GDA: variants seen among roughly 807,000 people sequenced by gnomAD.
The protein encoded by GDA is cytoplasmic PSD-95 interactor.
A neutral mutation model predicts 59.6 loss-of-function variants in GDA; 18 were observed. That is an observed-to-expected ratio of 0.30 (90% CI 0.21 to 0.45). GDA has a LOEUF of 0.45. Among genes scored for constraint, GDA ranks in the 20% least tolerant of loss-of-function variants. GDA has a pLI of 1.00. For missense variants in GDA, 427 were observed against 552.3 expected (o/e 0.77, Z 2.27); for synonymous variants, 201 against 201.1 (o/e 1.00, Z 0.00).
chr9:72,221,828 C>T (rs951734495), intron 6 of GDA, among the ~76,000 whole-genome samples: 11 of 152,174 alleles, frequency 7.2e-5, no homozygotes, highest in Non-Finnish European at 1.3e-4. Context: ...TCCCTTCCTG[C>T]GTTAGTTTGC....
upstream of GDA, chr9:72,149,427 G>A (rs1826858197): frequency 2.0e-5 from 22 of 1,083,906 alleles, no homozygotes; most frequent in South Asian, 1.6e-4. Context: ...CAACCGCCCG[G>A]GTAAGCGGGG....
chr9:72,168,979 C>T (rs902488060), intron 1 of GDA, among the ~76,000 whole-genome samples: 3 of 152,194 alleles, frequency 2.0e-5, no homozygotes, highest in African/African-American at 7.2e-5. Context: ...ATGAAAGCCT[C>T]AAGATATAGT....
chr9:72,121,441 A>C (rs940332810), intron 1 of GDA, among the ~76,000 whole-genome samples: 1 of 152,126 alleles, frequency 6.6e-6, no homozygotes, highest in Admixed American at 6.5e-5. Context: ...TACTAAAAAT[A>C]CAAAAATTAG....
intron 1 of GDA, among the ~76,000 whole-genome samples, chr9:72,150,021 TC>T (rs1172774021): frequency 6.6e-6 from 1 of 151,346 alleles, no homozygotes; most frequent in African/African-American, 2.4e-5. Context: ...TAATCTTCAA[TC>T]TTGCTTAAAT....
At chr9:72,219,697 A>C (rs182931317) in intron 6 of GDA, among the ~76,000 whole-genome samples, 191 bp downstream of exon 6, 406 of 152,354 alleles carry the variant, frequency 2.7e-3, no homozygotes, top group African/African-American at 9.2e-3. Context: ...TTTTTAAAAA[A>C]TTATCTTAAA....
intron 1 of GDA, among the ~76,000 whole-genome samples, chr9:72,192,388 C>T (rs539018220): frequency 2.7e-5 from 4 of 150,912 alleles, no homozygotes; most frequent in African/African-American, 7.3e-5. Flanking sequence ...CCCACCACCA[C>T]GCCCAGCTAA....
intron 2 of GDA, among the ~76,000 whole-genome samples, chr9:72,200,266 G>A (rs1415950375): frequency 2.0e-5 from 3 of 152,058 alleles, no homozygotes; most frequent in Non-Finnish European, 4.4e-5. Flanking sequence ...AAAGTGCTGG[G>A]ATTACAGGCG....
chr9:72,136,247 C>G (rs1826221908), intron 1 of GDA, among the ~76,000 whole-genome samples: 1 of 152,126 alleles, frequency 6.6e-6, no homozygotes, highest in African/African-American at 2.4e-5. Context: ...GGTCTCTTGT[C>G]TCTTTTAAAA....
chr9:72,204,331 G>C (rs905221524), intron 3 of GDA, among the ~76,000 whole-genome samples: 1 of 151,968 alleles, frequency 6.6e-6, no homozygotes, highest in Non-Finnish European at 1.5e-5. Context: ...TTCTAAAAAA[G>C]ATGTGAGATA....
At chr9:72,167,647 T>C (rs1345053288) in intron 1 of GDA, among the ~76,000 whole-genome samples, 1 of 152,174 alleles carries the variant, frequency 6.6e-6, no homozygotes. Flanking sequence ...GCCCTCAGAA[T>C]GTACAGGTCT....
intron 1 of GDA, among the ~76,000 whole-genome samples, chr9:72,140,988 A>G (rs1480972667): frequency 6.6e-6 from 1 of 152,198 alleles, no homozygotes; most frequent in Non-Finnish European, 1.5e-5. Flanking sequence ...CACATGCTCC[A>G]AATCCCAATC....
At chr9:72,162,000 T>C (rs936714554) in intron 1 of GDA, among the ~76,000 whole-genome samples, 1 of 152,236 alleles carries the variant, frequency 6.6e-6, no homozygotes, top group Non-Finnish European at 1.5e-5. Flanking sequence ...AGAGTTTTTC[T>C]CCTGAGCTAT....
chr9:72,154,972 A>G (rs1484982137), intron 1 of GDA, among the ~76,000 whole-genome samples: 2 of 152,212 alleles, frequency 1.3e-5, no homozygotes, highest in Non-Finnish European at 2.9e-5. Context: ...ATGATCTAGT[A>G]ATAAATTAAC....
At chr9:72,229,171 T>TA (rs34554102) in intron 9 of GDA, 2,744 of 42,342 alleles carry the variant, frequency 0.065, 157 homozygotes, top group African/African-American at 0.11. Context: ...CAGTCTCTAC[T>TA]AAAAAAAAAA....
chr9:72,223,211 G>A lies in GDA; in HGVS notation c.698G>A (p.Arg233His), dbSNP rs142139311. Residue 233 changes from arginine to histidine, a missense_variant, in exon 7 of 14, where the codon CGT (arginine) becomes CAT (histidine). Transcript: ENST00000358399. Reference sequence around the variant, plus strand: ...GAACTGGGCAACATTGCTAAAACCCGTGATTTGCACATTCAGGTGGGTATT... The same window carrying A: ...GAACTGGGCAACATTGCTAAAACCCATGATTTGCACATTCAGGTGGGTATT... ...MGELGNIAKT[R>H]DLHIQSHISE... The A allele has an allele frequency of 6.1e-5, 98 of 1,606,870 alleles. No homozygotes were observed. The East Asian group carries it at 9.8e-4, about 16-fold the overall frequency.
In GDA at chr9:72,159,937, A is replaced by G. The variant is rs192414068; in HGVS notation, c.123+10255A>G. 3.3e-3 allele frequency among the ~76,000 whole-genome samples: 498 copies of G among 152,284 alleles called. 2 individuals carry two copies. The highest frequency in any genetic ancestry group is 0.012 in the African/African-American group (483 of 41,556). ...AAAATTCACCATTTTAAAGTATATG[A>G]TTCAGTGGCATTTATTGTATTCAGA... On this transcript the variant is annotated intron_variant, in intron 1 of 13. Transcript: ENST00000358399.
Position 72,250,690 on chromosome 9 carries a change from G to A in GDA, c.*2348G>A, listed in dbSNP as rs532117170. ...GGTTGACTTTCTGAATTGTGGAGAG[G>A]CACTTTTCCAAGCCAATCTTATTTG... On this transcript the variant is annotated 3_prime_UTR_variant, in exon 14 of 14. Coordinates refer to ENST00000358399, the MANE Select transcript of GDA (RefSeq NM_004293.5). 3.1e-4 allele frequency: 492 copies of A among 1,610,466 alleles called. 1 individual carries two copies. Among genetic ancestry groups the A allele is most frequent in the Non-Finnish European group, 3.5e-4 (410 of 1,178,830 alleles).
chr9:72,198,616 A>G (rs574301947), intron 2 of GDA, among the ~76,000 whole-genome samples: 122 of 152,068 alleles, frequency 8.0e-4, no homozygotes, highest in Non-Finnish European at 1.5e-3. Flanking sequence ...TTTGTTTTAC[A>G]GCCATGCATT....
At chr9:72,245,313 T>G in intron 12 of GDA, 35 bp downstream of exon 12, 1 of 1,529,774 alleles carries the variant, frequency 6.5e-7, no homozygotes, top group Non-Finnish European at 9.1e-7. Flanking sequence ...AGGCATTTAT[T>G]TCATAAAGTC....
Sources: allele counts gnomAD v4.1 joint callset (sites outside exome capture counted in the v4.1 genomes callset), GRCh38; gene constraint gnomAD v4.1.1; transcripts MANE v1.5; gene names NCBI Gene and HGNC (gene_info 2026-07-23, HGNC 2026-07-21).